The following ELMO1 variants were observed in gnomAD, a reference collection of about 807,000 sequenced individuals.
ELMO1 encodes engulfment and cell motility protein 1.
A neutral mutation model predicts 98.9 loss-of-function variants in ELMO1; 26 were observed. That is an observed-to-expected ratio of 0.26 (90% CI 0.19 to 0.36). The LOEUF (loss-of-function observed/expected upper bound fraction) is 0.36, where lower values mean the gene tolerates loss of function less well. Among genes scored for constraint, ELMO1 ranks in the 10% least tolerant of loss-of-function variants. ELMO1 has a pLI of 1.00. For missense variants in ELMO1, 627 were observed against 935.2 expected, an observed-to-expected ratio of 0.67 and a Z score of 4.30; for synonymous variants, 346 against 346.0, an observed-to-expected ratio of 1.00 and a Z score of 0.00.
intron 13 of ELMO1, among the ~76,000 whole-genome samples, chr7:37,193,641 A>G (rs981001435): frequency 2.6e-5 from 4 of 152,320 alleles, no homozygotes; most frequent in Middle Eastern, 3.4e-3. Context: ...AGCACTATCT[A>G]TACAGTGTGA....
intron 1 of ELMO1, among the ~76,000 whole-genome samples, chr7:37,378,482 G>A (rs1222626274): frequency 1.3e-5 from 2 of 151,614 alleles, no homozygotes; most frequent in Non-Finnish European, 1.5e-5. Flanking sequence ...TAGAAAGAGG[G>A]GTTACCAAAT....
intron 16 of ELMO1, chr7:36,986,311 T>A: frequency 1.0e-6 from 1 of 957,618 alleles, no homozygotes; most frequent in Non-Finnish European, 1.2e-6. Flanking sequence ...AGCTTTTCTC[T>A]TAGAGTATCA....
chr7:36,877,268 C>T (rs1409810710), intron 19 of ELMO1, among the ~76,000 whole-genome samples: 2 of 152,258 alleles, frequency 1.3e-5, no homozygotes, highest in Non-Finnish European at 1.5e-5. Context: ...TTGGGATATC[C>T]TCTGAGGCTA....
At position 37,375,859 on chromosome 7, in the gene ELMO1, C is replaced by A. The variant is rs949895452; in HGVS notation, c.-73-33096G>T. ...TCGGCCTAAAGGTCTGGAGACTGAG[C>A]AACCTGCAAGACTCACAAGAGGGGA... is the stretch of plus-strand genomic sequence containing the variant. On this transcript the variant is annotated intron_variant, in intron 1 of 21. Coordinates refer to ENST00000310758, the MANE Select transcript of ELMO1 (RefSeq NM_014800.11). The A allele has an allele frequency of 3.1e-5, 22 of 709,562 alleles. No individual in the cohort carries two copies. The Admixed American group carries it at 4.4e-4, about 14-fold the overall frequency. 44.0% of individuals were successfully genotyped at this position (709,562 alleles called of 1,614,324 possible).
At chr7:37,405,472 G>A (rs997862774) in intron 1 of ELMO1, among the ~76,000 whole-genome samples, 4 of 152,184 alleles carry the variant, frequency 2.6e-5, no homozygotes, top group African/African-American at 9.7e-5. Context: ...ACACACTTCC[G>A]TGTGCTTTAA....
chr7:37,070,934 T>C (rs977193133), intron 15 of ELMO1, among the ~76,000 whole-genome samples: 3 of 152,222 alleles, frequency 2.0e-5, no homozygotes, highest in African/African-American at 7.2e-5. Flanking sequence ...TGGAGATTTA[T>C]GTCAATGAGC....
chr7:37,226,891 A>G (rs1157503088), intron 8 of ELMO1, among the ~76,000 whole-genome samples: 4 of 152,194 alleles, frequency 2.6e-5, no homozygotes, highest in African/African-American at 9.7e-5. Flanking sequence ...TGGAAATACA[A>G]AGATGAAAAT....
intron 19 of ELMO1, among the ~76,000 whole-genome samples, chr7:36,874,112 C>T (rs1803759287): frequency 1.3e-5 from 2 of 152,332 alleles, no homozygotes; most frequent in South Asian, 4.1e-4. Context: ...ATTCTACATC[C>T]ACCAACCGCC....
intron 16 of ELMO1, among the ~76,000 whole-genome samples, chr7:36,953,858 T>C (rs1297702168): frequency 4.2e-5 from 2 of 47,784 alleles, no homozygotes; most frequent in African/African-American, 1.5e-4. Context: ...TGTGTGTGTG[T>C]GTGTGTGTGT....
At chr7:37,155,092 A>G (rs1788641590) in intron 13 of ELMO1, among the ~76,000 whole-genome samples, 1 of 152,226 alleles carries the variant, frequency 6.6e-6, no homozygotes, top group Non-Finnish European at 1.5e-5. Flanking sequence ...AAAATCCTTT[A>G]CAGACAAGCA....
chr7:37,097,259 C>T lies in ELMO1; in HGVS notation c.1192-532G>A, dbSNP rs369175488. ...TTCATACTAAGAGAAAAACTGGGGC[C>T]GGGTATGGTGATTCACGTCTGTAAT... On this transcript the variant is annotated intron_variant, in intron 14 of 21. Coordinates refer to ENST00000310758, the MANE Select transcript of ELMO1 (RefSeq NM_014800.11). Among the ~76,000 whole-genome samples the T allele has an allele frequency of 1.2e-4, 19 of 152,260 alleles. No homozygotes were observed. The East Asian group carries it at 1.7e-3, about 14-fold the overall frequency.
At chr7:36,933,279 A>G (rs938683526) in intron 16 of ELMO1, among the ~76,000 whole-genome samples, 1 of 152,156 alleles carries the variant, frequency 6.6e-6, no homozygotes, top group African/African-American at 2.4e-5. Context: ...CAGAGTGTAT[A>G]ATGGCATTTT....
At chr7:37,043,988 T>C (rs1009936695) in intron 15 of ELMO1, among the ~76,000 whole-genome samples, 1 of 152,218 alleles carries the variant, frequency 6.6e-6, no homozygotes, top group Non-Finnish European at 1.5e-5. Context: ...TAGTCTTTTT[T>C]ATACATGTCA....
At chr7:37,379,629 T>C (rs992318701) in intron 1 of ELMO1, among the ~76,000 whole-genome samples, 3 of 152,224 alleles carry the variant, frequency 2.0e-5, no homozygotes, top group Non-Finnish European at 4.4e-5. Context: ...GATACCCCTT[T>C]ATCAATTAAG....
chr7:37,273,683 C>G (rs962492865), intron 4 of ELMO1, among the ~76,000 whole-genome samples: 3 of 152,112 alleles, frequency 2.0e-5, no homozygotes, highest in Non-Finnish European at 4.4e-5. Flanking sequence ...CAGGACTCAC[C>G]GTGGTCGCAT....
At chr7:36,874,060 G>T (rs1251626042) in intron 19 of ELMO1, among the ~76,000 whole-genome samples, 1 of 152,288 alleles carries the variant, frequency 6.6e-6, no homozygotes, top group East Asian at 1.9e-4. Context: ...ATGGAATGGT[G>T]GGGAAAAGAT....
intron 16 of ELMO1, among the ~76,000 whole-genome samples, chr7:36,975,674 G>A (rs945419008): frequency 2.6e-5 from 4 of 151,162 alleles, no homozygotes; most frequent in African/African-American, 7.3e-5. Flanking sequence ...TGGTGAAACC[G>A]CGTCTCTACT....
At chr7:36,985,074 G>C in intron 16 of ELMO1, 1 of 985,328 alleles carries the variant, frequency 1.0e-6, no homozygotes, top group Non-Finnish European at 1.2e-6. Context: ...CCTGTTTATA[G>C]TACTGCTTTC....
chr7:37,409,554 C>T (rs1803910354), intron 1 of ELMO1, among the ~76,000 whole-genome samples: 1 of 152,206 alleles, frequency 6.6e-6, no homozygotes, highest in Non-Finnish European at 1.5e-5. Context: ...AAGATGGTCA[C>T]TCATATGGCT....
Sources: gnomAD v4.1 joint callset for allele counts (sites outside exome capture counted in the v4.1 genomes callset) on GRCh38, gnomAD v4.1.1 for gene constraint, MANE v1.5 for transcripts, NCBI Gene and HGNC (gene_info 2026-07-23, HGNC 2026-07-21) for gene names.